Variants in CYTH3 observed in about 807,000 individuals in gnomAD.
CYTH3 encodes cytohesin-3.
A neutral mutation model predicts 55.1 loss-of-function variants in CYTH3; 23 were observed. The ratio of observed to expected loss-of-function variants is 0.42; its 90% confidence interval spans 0.30 to 0.59. CYTH3 has a LOEUF of 0.59. Ranked by LOEUF, CYTH3 falls within the 20% of genes least tolerant of loss-of-function variation. The pLI, the probability that CYTH3 is intolerant of heterozygous loss-of-function variation, is 0.20. For synonymous variants in CYTH3, 249 were observed against 194.9 expected, an observed-to-expected ratio of 1.28 and a Z score of -2.31; for missense variants, 413 against 524.8, an observed-to-expected ratio of 0.79 and a Z score of 2.08.
intron 1 of CYTH3, among the ~76,000 whole-genome samples, chr7:6,219,634 G>A (rs894733650): frequency 2.0e-5 from 3 of 152,112 alleles, no homozygotes; most frequent in Non-Finnish European, 4.4e-5. Flanking sequence ...AAACAGAACC[G>A]CACAGGTAAG....
At chr7:6,249,333 T>A (rs920224436) in intron 1 of CYTH3, among the ~76,000 whole-genome samples, 1 of 152,208 alleles carries the variant, frequency 6.6e-6, no homozygotes, top group Non-Finnish European at 1.5e-5. Flanking sequence ...TACACACCCA[T>A]TGAGTTCCAA....
At position 6,229,308 on chromosome 7, in the gene CYTH3, T is replaced by C. The variant is rs116445351; in HGVS notation, c.35-38777A>G. On this transcript the variant is annotated intron_variant, in intron 1 of 12. Transcript: ENST00000350796. ...TTGTTTCTAGTTTAAAAACAGTCTC[T>C]TTAAACTTATAAAGAAATTATACTT... 9.0e-3 allele frequency among the ~76,000 whole-genome samples: 1,365 copies of C among 152,300 alleles called. 18 individuals carry two copies. Among genetic ancestry groups the C allele is most frequent in the African/African-American group, 0.031 (1,292 of 41,568 alleles).
intron 1 of CYTH3, among the ~76,000 whole-genome samples, chr7:6,208,499 T>C (rs138725427): frequency 9.2e-5 from 14 of 152,348 alleles, no homozygotes; most frequent in African/African-American, 3.1e-4. Flanking sequence ...CTTGGGAACC[T>C]TGGCAAAAGT....
intron 2 of CYTH3, 70 bp downstream of exon 2, chr7:6,190,373 AGGCTAC>A: frequency 1.3e-6 from 1 of 778,884 alleles, no homozygotes; most frequent in South Asian, 2.6e-5. Context: ...CATTTTTGTG[AGGCTAC>A]TCTTTTACTA....
chr7:6,259,808 T>TA (rs1210954275), intron 1 of CYTH3, among the ~76,000 whole-genome samples: 1 of 30,252 alleles, frequency 3.3e-5, no homozygotes, highest in African/African-American at 3.5e-4. Context: ...TATATATATA[T>TA]ATATAATATA....
chr7:6,188,006 C>CT (rs1783697399), intron 2 of CYTH3, among the ~76,000 whole-genome samples: 1 of 147,758 alleles, frequency 6.8e-6, no homozygotes, highest in Non-Finnish European at 1.5e-5. Flanking sequence ...GGCAAGCACA[C>CT]TGGGGGGGGA....
intron 1 of CYTH3, among the ~76,000 whole-genome samples, chr7:6,197,124 T>A (rs561625866): frequency 9.8e-5 from 15 of 152,360 alleles, no homozygotes; most frequent in African/African-American, 3.4e-4. Context: ...TACCTTTTAA[T>A]CGGAATCAAA....
chr7:6,187,596 T>C, intron 3 of CYTH3, 61 bp downstream of exon 3: 1 of 1,464,672 alleles, frequency 6.8e-7, no homozygotes, highest in Non-Finnish European at 9.6e-7. Flanking sequence ...CAAGTTTGAC[T>C]ACAGGATGGA....
chr7:6,184,821 G>C (rs1041066040), intron 4 of CYTH3, among the ~76,000 whole-genome samples: 6 of 152,068 alleles, frequency 3.9e-5, no homozygotes, highest in African/African-American at 1.4e-4. Flanking sequence ...CAGGTGATCT[G>C]CCCAACTGGG....
chr7:6,169,173 T>C lies in CYTH3; in HGVS notation c.823+1362A>G, dbSNP rs1783098294. 6.6e-6 allele frequency among the ~76,000 whole-genome samples: 1 copy of C among 152,158 alleles called. No individual in the cohort carries two copies. Among genetic ancestry groups the C allele is most frequent in the South Asian group, 2.1e-4 (1 of 4,828 alleles). On this transcript the variant is annotated intron_variant, in intron 9 of 12. Transcript: ENST00000350796. This position sits in a 1 kb window ranked among gnomAD's most constrained non-coding sequence, Gnocchi z 4.1. ...GCAGACCTGTGGGACTCACACCCTT[T>C]CCACCAGCTGAGGAGGCCTGTGCCC...
chr7:6,231,878 C>T (rs545473240), intron 1 of CYTH3, among the ~76,000 whole-genome samples: 24 of 152,178 alleles, frequency 1.6e-4, no homozygotes, highest in Non-Finnish European at 3.1e-4. Flanking sequence ...AGGCACCCTG[C>T]TAACACCACC....
intron 6 of CYTH3, chr7:6,173,153 T>C: frequency 1.3e-6 from 1 of 795,024 alleles, no homozygotes; most frequent in Non-Finnish European, 1.5e-6. Context: ...GCGAGACAAC[T>C]TCCTGCTTGC....
chr7:6,166,113 G>T (rs1183753029), intron 9 of CYTH3, among the ~76,000 whole-genome samples: 1 of 152,204 alleles, frequency 6.6e-6, no homozygotes, highest in Non-Finnish European at 1.5e-5. Context: ...GCAGTGTGAT[G>T]AAGTCAGGAC....
intron 1 of CYTH3, among the ~76,000 whole-genome samples, chr7:6,201,644 T>G (rs898118143): frequency 6.6e-6 from 1 of 152,166 alleles, no homozygotes; most frequent in African/African-American, 2.4e-5. Flanking sequence ...AAAACCTGAC[T>G]GTGTAAGATA....
At chr7:6,204,510 T>C (rs1045957360) in intron 1 of CYTH3, among the ~76,000 whole-genome samples, 1 of 152,206 alleles carries the variant, frequency 6.6e-6, no homozygotes, top group Non-Finnish European at 1.5e-5. Context: ...GTGAGGATTT[T>C]CTGCAACAGC....
At chr7:6,215,723 A>C (rs1784411701) in intron 1 of CYTH3, among the ~76,000 whole-genome samples, 1 of 152,224 alleles carries the variant, frequency 6.6e-6, no homozygotes, top group South Asian at 2.1e-4. Context: ...ACAAACTTGA[A>C]ACAGGATAAA....
intron 1 of CYTH3, among the ~76,000 whole-genome samples, chr7:6,241,938 A>G (rs1021598604): frequency 1.1e-4 from 17 of 152,228 alleles, no homozygotes; most frequent in African/African-American, 3.9e-4. Context: ...AATAAACATT[A>G]AATGCATAAA....
chr7:6,198,449 C>T (rs1450982514), intron 1 of CYTH3, among the ~76,000 whole-genome samples: 1 of 152,208 alleles, frequency 6.6e-6, no homozygotes, highest in African/African-American at 2.4e-5. Context: ...CAGACAATTT[C>T]ACACATGTGA....
chr7:6,246,511 T>C (rs1779820757), intron 1 of CYTH3, among the ~76,000 whole-genome samples: 1 of 152,212 alleles, frequency 6.6e-6, no homozygotes, highest in South Asian at 2.1e-4. Flanking sequence ...CACATGTAGA[T>C]GTGTGACGTG....
Sources: allele counts gnomAD v4.1 joint callset (sites outside exome capture counted in the v4.1 genomes callset), GRCh38; gene constraint gnomAD v4.1.1; non-coding constraint Gnocchi (gnomAD v3.1); transcripts MANE v1.5; gene names NCBI Gene and HGNC (gene_info 2026-07-23, HGNC 2026-07-21).